Variants in FGG observed in about 807,000 individuals in gnomAD.
FGG encodes the protein fibrinogen, gamma polypeptide.
In FGG, 20 loss-of-function variants were observed where a neutral mutation model predicts 51.7. The observed-to-expected ratio is 0.39, with a 90% confidence interval of 0.27 to 0.56. The LOEUF (loss-of-function observed/expected upper bound fraction) is 0.56. FGG is among the 20% of genes least tolerant of loss of function. The probability of loss-of-function intolerance (pLI) is 0.64; values close to 1 mark genes in which losing one functional copy is unlikely to be tolerated. For missense variants in FGG, 460 were observed against 534.2 expected (o/e 0.86, Z 1.37); for synonymous variants, 184 against 184.7 (o/e 1.00, Z 0.03).
rs868267949 is a variant in FGG at position 154,609,760 on chromosome 4, C to A, written c.536G>T (p.Cys179Phe). The part of the protein sequence containing the change: ...VQIHDITGKD[C>F]QDIANKGAKQ... ...AGCTCCCTTATTGGCAATGTCTTGA[C>A]AATCTAGAGAAGGAGAATCGACTTT... is the stretch of plus-strand genomic sequence containing the variant. Residue 179 changes from cysteine (C) to phenylalanine (F), a missense_variant, in exon 6 of 9, where the codon TGT becomes TTT. By Grantham distance (205) the Cys-to-Phe change is radical. This residue lies in a region of FGG where 353 missense variants were observed against 391.7 expected (regional missense o/e 0.90). Coordinates refer to ENST00000336098, the MANE Select transcript of FGG (RefSeq NM_021870.3). 1 of 1,613,870 alleles carries A rather than the reference C, an allele frequency of 6.2e-7. No individual in the cohort carries two copies. Among genetic ancestry groups the A allele is most frequent in the African/African-American group, 1.3e-5 (1 of 74,888 alleles).
chr4:154,606,003 G>A (rs1731090166), intron 8 of FGG, among the ~76,000 whole-genome samples: 1 of 152,150 alleles, frequency 6.6e-6, no homozygotes, highest in South Asian at 2.1e-4. Flanking sequence ...CGGAGAGTCT[G>A]TTGAGTGGGA....
At chr4:154,611,684 A>G (rs1442802782) in intron 4 of FGG, 121 bp downstream of exon 4, 3 of 683,996 alleles carry the variant, frequency 4.4e-6, no homozygotes, top group African/African-American at 1.8e-5. Flanking sequence ...ATAATCAGGC[A>G]TAATGTCACT....
Position 154,612,435 on chromosome 4 carries a change from A to G in FGG, c.79T>C (p.Tyr27His). The stretch of plus-strand genomic sequence containing the variant: ...CAGCAGTTGTCTCTGGTAGCAACAT[A>G]CTAAAAGAGAAAAAATACAGAAATT... Reference protein sequence around the residue: ...LLFLSSTCVAYVATRDNCCIL... With the variant: ...LLFLSSTCVAHVATRDNCCIL... Residue 27 changes from tyrosine to histidine, a missense_variant and splice_region_variant, in exon 2 of 9, where the codon TAT becomes CAT. Around this residue, in one of 3 missense-constraint regions of FGG, gnomAD observed 353 missense variants for 391.7 expected, o/e 0.90. Coordinates refer to ENST00000336098, the MANE Select transcript of FGG (RefSeq NM_021870.3). 6.2e-7 allele frequency: 1 copy of G among 1,613,972 alleles called. No homozygotes were observed.
In FGG at chr4:154,609,676, T is replaced by C. The variant is rs775086103; in HGVS notation, c.620A>G (p.Tyr207Cys). The C allele has an allele frequency of 2.3e-5, 37 of 1,613,876 alleles. No individual in the cohort carries two copies. In the Middle Eastern group the frequency reaches 4.9e-4, roughly 22 times the overall value. ...ATTTCCAGACCCATCGATTTCACAG[T>C]AGACTAAGAATTGCTGGTTAGCTTT... is the stretch of plus-strand genomic sequence containing the variant. ...PLKANQQFLV[Y>C]CEIDGSGNGW... is the part of the protein sequence containing the mutation. Residue 207 changes from tyrosine to cysteine, a missense_variant, in exon 6 of 9, where the codon TAC becomes TGC. Coordinates refer to ENST00000336098, the MANE Select transcript of FGG (RefSeq NM_021870.3).
In FGG at chr4:154,612,377, T is replaced by C. The variant is rs773303853; in HGVS notation, c.123+14A>G. On this transcript the variant is annotated intron_variant, in intron 2 of 8. Coordinates refer to ENST00000336098, the MANE Select transcript of FGG (RefSeq NM_021870.3). ...CAGTTCACACACAAAGGGAGAAACA[T>C]AAAAACTACTTACGAATCTTTCATC... 1.2e-6 allele frequency: 2 copies of C among 1,612,616 alleles called. No homozygotes were observed. Among genetic ancestry groups the C allele is most frequent in the South Asian group, 2.2e-5 (2 of 91,028 alleles).
At chr4:154,610,292 G>T in intron 4 of FGG, 95 bp from the exon 5 acceptor site, 1 of 974,134 alleles carries the variant, frequency 1.0e-6, no homozygotes, top group Non-Finnish European at 1.5e-6. Context: ...AAACTGCTAA[G>T]TATTTTCTTA....
At chr4:154,606,238 C>T (rs1731094296) in intron 8 of FGG, among the ~76,000 whole-genome samples, 1 of 152,146 alleles carries the variant, frequency 6.6e-6, no homozygotes, top group Admixed American at 6.5e-5. Flanking sequence ...CTGGTCTCTT[C>T]TCTCAAGCTT....
chr4:154,608,698 C>T (rs2110844855), intron 6 of FGG, 48 bp from the exon 7 acceptor site: 2 of 1,515,052 alleles, frequency 1.3e-6, no homozygotes, highest in Non-Finnish European at 1.8e-6. Context: ...ACTATCAATG[C>T]ATGTAAAGAG....
At chr4:154,608,671 G>C in intron 6 of FGG, 21 bp from the exon 7 acceptor site, 1 of 1,601,280 alleles carries the variant, frequency 6.2e-7, no homozygotes, top group Non-Finnish European at 8.5e-7. Context: ...ATTTGCAAGA[G>C]CAAAAGGAGA....
intron 8 of FGG, 50 bp from the exon 9 acceptor site, chr4:154,605,116 T>C: frequency 6.2e-7 from 1 of 1,606,988 alleles, no homozygotes. Flanking sequence ...TCTTTTTACC[T>C]CTGCAAGTCT....
chr4:154,607,709 G>C lies in FGG; in HGVS notation c.852-727C>G, dbSNP rs148948645. On this transcript the variant is annotated intron_variant, in intron 7 of 8. Transcript: ENST00000336098. ...ATCTCCAGTGGCTGGGAAATGGAAG[G>C]TCCTTTCCTAGAAGAAGGTCTACTG... 2.8e-3 allele frequency among the ~76,000 whole-genome samples: 430 copies of C among 152,200 alleles called. 2 individuals carry two copies. Among genetic ancestry groups the C allele is most frequent in the South Asian group, 7.7e-3 (37 of 4,818 alleles).
chr4:154,604,516 A>G lies in FGG; in HGVS notation c.*318T>C, dbSNP rs938352178. On this transcript the variant is annotated 3_prime_UTR_variant, in exon 9 of 9. Coordinates refer to ENST00000336098, the MANE Select transcript of FGG (RefSeq NM_021870.3). ...CCTATTTTATTAAGTACATACTAAAATATTTGATATAATGAAAATAATTTA... is the reference window on the plus strand; with the variant it reads ...CCTATTTTATTAAGTACATACTAAAGTATTTGATATAATGAAAATAATTTA... The G allele has an allele frequency of 1.8e-5, 20 of 1,099,784 alleles. No homozygotes were observed. The highest frequency in any genetic ancestry group is 2.3e-5 in the Non-Finnish European group (19 of 815,084). 68.1% of individuals were successfully genotyped at this position (1,099,784 alleles called of 1,614,324 possible). A position where few individuals can be genotyped will look rare whatever the true frequency, so the allele number is the denominator to read the frequency against.
chr4:154,610,262 T>G (rs1731184029), intron 4 of FGG, 65 bp from the exon 5 acceptor site: 5 of 1,280,616 alleles, frequency 3.9e-6, no homozygotes, highest in Non-Finnish European at 4.4e-6. Context: ...TTCAGAAGAG[T>G]AATTTTATAT....
At chr4:154,607,091 C>T in intron 7 of FGG, 109 bp from the exon 8 acceptor site, 1 of 1,378,874 alleles carries the variant, frequency 7.3e-7, no homozygotes. Flanking sequence ...TTTCTTAAGG[C>T]TGAAATTTGC....
intron 1 of FGG, 26 bp downstream of exon 1, chr4:154,612,506 C>T: frequency 6.2e-7 from 1 of 1,613,800 alleles, no homozygotes; most frequent in Non-Finnish European, 8.5e-7. Flanking sequence ...CCATTTTAAA[C>T]AACGTTTTGT....
intron 6 of FGG, among the ~76,000 whole-genome samples, chr4:154,608,938 C>T (rs958912233): frequency 4.0e-4 from 61 of 152,284 alleles, no homozygotes; most frequent in African/African-American, 1.3e-3. Flanking sequence ...GACACCTAGA[C>T]GACTTCAGAA....
chr4:154,604,354 C>A lies in FGG; in HGVS notation c.*480G>T, dbSNP rs375111958. 1.9e-5 allele frequency: 28 copies of A among 1,505,886 alleles called. No individual in the cohort carries two copies. The highest frequency in any genetic ancestry group is 2.4e-5 in the Non-Finnish European group (27 of 1,130,818). 93.3% of individuals were successfully genotyped at this position (1,505,886 alleles called of 1,614,324 possible). A position where few individuals can be genotyped will look rare whatever the true frequency, so the allele number is the denominator to read the frequency against. ...GAAACGGTCTTTTAAACGTCTCCAG[C>A]CTGTGAATATATAACAAAACAAAAA... is the stretch of plus-strand genomic sequence containing the variant. On this transcript the variant is annotated 3_prime_UTR_variant, in exon 9 of 9. Coordinates refer to ENST00000336098, the MANE Select transcript of FGG (RefSeq NM_021870.3).
Position 154,606,705 on chromosome 4 carries a change from C to T in FGG, c.1129G>A (p.Gly377Ser), listed in dbSNP as rs192482410. Residue 377 changes from glycine (G) to serine (S), a missense_variant and splice_region_variant, in exon 8 of 9, where the codon GGT becomes AGT. Gly to Ser is a moderately conservative substitution (Grantham distance 56, BLOSUM62 0). This residue lies in a region of FGG where 92 missense variants were observed against 93.7 expected (regional missense o/e 0.98). Coordinates refer to ENST00000336098, the MANE Select transcript of FGG (RefSeq NM_021870.3). ...AGHLNGVYYQ[G>S]GTYSKASTPN... ...TGGAATCTAAGAAAGGAAAACATACCTTGGTAATAAACTCCATTGAGATGG... is the reference window on the plus strand; with the variant it reads ...TGGAATCTAAGAAAGGAAAACATACTTTGGTAATAAACTCCATTGAGATGG... 5.0e-6 allele frequency: 8 copies of T among 1,613,494 alleles called. No individual in the cohort carries two copies. Among genetic ancestry groups the T allele is most frequent in the Non-Finnish European group, 6.8e-6 (8 of 1,179,740 alleles).
chr4:154,611,974 GATT>G (rs772319853), intron 3 of FGG, 41 bp downstream of exon 3: 14 of 1,603,858 alleles, frequency 8.7e-6, no homozygotes, highest in Middle Eastern at 1.7e-4. Flanking sequence ...GAACTTCACA[GATT>G]ATTATTATTA....
Sources: gnomAD v4.1 joint callset for allele counts (sites outside exome capture counted in the v4.1 genomes callset) on GRCh38, gnomAD v4.1.1 for gene constraint, gnomAD v4.1.1 regional missense constraint, MANE v1.5 for transcripts, NCBI Gene and HGNC (gene_info 2026-07-23, HGNC 2026-07-21) for gene names.